The following EMILIN1 variants were observed in gnomAD, a reference collection of about 807,000 sequenced individuals.
EMILIN1 encodes EMILIN-1.
In EMILIN1, 49 loss-of-function variants were observed where a neutral mutation model predicts 82.4. That is an observed-to-expected ratio of 0.59 (90% CI 0.47 to 0.75). The LOEUF (loss-of-function observed/expected upper bound fraction) is 0.75. EMILIN1 is among the 30% of genes least tolerant of loss of function. The pLI is 0.00. For synonymous variants in EMILIN1, 604 were observed against 602.2 expected, an observed-to-expected ratio of 1.00 and a Z score of -0.04; for missense variants, 1,313 against 1,366.4, an observed-to-expected ratio of 0.96 and a Z score of 0.62.
intron 7 of EMILIN1, 121 bp from the exon 8 acceptor site, chr2:27,085,557 G>A (rs1367852875): frequency 9.6e-7 from 1 of 1,046,908 alleles, no homozygotes; most frequent in Non-Finnish European, 1.4e-6. Flanking sequence ...AAAGCCCCCA[G>A]TTCCCTGCCG....
Position 27,082,071 on chromosome 2 carries a change from C to T in EMILIN1, c.512-12C>T, listed in dbSNP as rs1193115098. 2 of 1,597,802 alleles carry T rather than the reference C, an allele frequency of 1.3e-6. No homozygotes were observed. Among genetic ancestry groups the T allele is most frequent in the Admixed American group, 1.7e-5 (1 of 58,720 alleles). The stretch of plus-strand genomic sequence containing the variant: ...TCCAGCCCCTCTGCCTTCTGCCTTC[C>T]CCTCTCCTCAGGTCCTGGGGAGTCA... On this transcript the variant is annotated splice_polypyrimidine_tract_variant and intron_variant, in intron 3 of 7. Transcript: ENST00000380320.
At chr2:27,084,901 G>A (rs2304682) in intron 5 of EMILIN1, 90 bp from the exon 6 acceptor site, 5 of 1,271,562 alleles carry the variant, frequency 3.9e-6, no homozygotes, top group Non-Finnish European at 4.6e-6. Context: ...ACGTAGCACC[G>A]AGCACAACAG....
rs369868279 is a variant in EMILIN1 at position 27,082,653 on chromosome 2, G to A, written c.1082G>A (p.Arg361Gln). 1.9e-5 allele frequency: 29 copies of A among 1,549,302 alleles called. No homozygotes were observed. Among genetic ancestry groups the A allele is most frequent in the South Asian group, 2.4e-5 (2 of 84,768 alleles). ...TGCTGCTCTCCAGAGCTGGGCCGGC[G>A]ACTGGCAGAGCTGGAGCGCAGGCTG... ...QECCSPELGRRLAELERRLDV... is the reference protein window; with the variant it reads ...QECCSPELGRQLAELERRLDV... The change falls in exon 4 of 8, where the codon CGA (arginine) becomes CAA (glutamine). Residue 361 changes from arginine (R) to glutamine (Q), a missense_variant. By Grantham distance (43) the Arg-to-Gln change is conservative (BLOSUM62 1). Transcript: ENST00000380320.
chr2:27,085,982 G>A lies in EMILIN1; in HGVS notation c.3018G>A (p.Leu1006=). The A allele has an allele frequency of 1.4e-6, 2 of 1,479,452 alleles. No individual in the cohort carries two copies. Among genetic ancestry groups the A allele is most frequent in the Non-Finnish European group, 1.8e-6 (2 of 1,106,832 alleles). 91.6% of individuals were successfully genotyped at this position (1,479,452 alleles called of 1,614,324 possible). A position where few individuals can be genotyped will look rare whatever the true frequency, so the allele number is the denominator to read the frequency against. The change falls in exon 8 of 8, where the codon CTG becomes CTA. Residue 1006 remains leucine, a synonymous_variant. Coordinates refer to ENST00000380320, the MANE Select transcript of EMILIN1 (RefSeq NM_007046.4). ...CGCTCACCATCTTCAGCGGGGCCCT[G>A]CTCTATGGGGACCCAGAGCTTGAAC... ...EEPLTIFSGA[L]LYGDPELEHA
chr2:27,079,813 G>A (rs373976960), intron 1 of EMILIN1, among the ~76,000 whole-genome samples: 3 of 152,190 alleles, frequency 2.0e-5, no homozygotes, highest in Non-Finnish European at 2.9e-5. Context: ...CTGGCTATGC[G>A]CACACAGCAT....
chr2:27,085,863 AC>A lies in EMILIN1; in HGVS notation c.2902del (p.Leu968TrpfsTer177), dbSNP rs778854472. On this transcript the variant is annotated frameshift_variant, in exon 8 of 8. Coordinates refer to ENST00000380320, the MANE Select transcript of EMILIN1 (RefSeq NM_007046.4). LOFTEE classifies it high-confidence loss of function. ...GGCCGAGAGCCAGCCCAGCCCGGGC[AC>A]CCTGGGCGTCTTCAGCCTCATCCTG... is the stretch of plus-strand genomic sequence containing the variant. ...PVAESQPSPG[T>X]LGVFSLILPL... 1 of 1,599,382 alleles carries A rather than the reference AC, an allele frequency of 6.3e-7. No individual in the cohort carries two copies. The highest frequency in any genetic ancestry group is 8.5e-7 in the Non-Finnish European group (1 of 1,172,864).
Position 27,078,787 on chromosome 2 carries a change from A to C in EMILIN1, c.-279A>C. 5.3e-6 allele frequency: 2 copies of C among 374,090 alleles called. No individual in the cohort carries two copies. Among genetic ancestry groups the C allele is most frequent in the Non-Finnish European group, 4.8e-6 (1 of 208,712 alleles). The allele number at this position is 374,090 out of a possible 1,614,324, so 23.2% of individuals were successfully genotyped here. A position where few individuals can be genotyped will look rare whatever the true frequency, so the allele number is the denominator to read the frequency against. On this transcript the variant is annotated 5_prime_UTR_variant, in exon 1 of 8. Coordinates refer to ENST00000380320, the MANE Select transcript of EMILIN1 (RefSeq NM_007046.4). ...GAGAGGGGCAGGGACCAGGCGCGGGAGGCCAGAGGGGGCACAGAGAACAAA... is the reference window on the plus strand; with the variant it reads ...GAGAGGGGCAGGGACCAGGCGCGGGCGGCCAGAGGGGGCACAGAGAACAAA...
Position 27,083,954 on chromosome 2 carries a change from A to G in EMILIN1, c.2383A>G (p.Ser795Gly). The change falls in exon 4 of 8, where the codon AGC becomes GGC. Residue 795 changes from serine to glycine, a missense_variant. Transcript: ENST00000380320. ...GGGCAGGCGGCTGGGTGCCCTTAAC[A>G]GCTCCCTGCAGCTCCTGGAGGACCG... ...GLGRRLGALN[S>G]SLQLLEDRLH... 1 of 1,563,894 alleles carries G rather than the reference A, an allele frequency of 6.4e-7. No individual in the cohort carries two copies. Among genetic ancestry groups the G allele is most frequent in the Non-Finnish European group, 8.7e-7 (1 of 1,152,136 alleles).
In EMILIN1 at chr2:27,080,794, G is replaced by A; in HGVS notation, c.353G>A (p.Trp118Ter). 1 of 1,613,850 alleles carries A rather than the reference G, an allele frequency of 6.2e-7. No individual in the cohort carries two copies. Among genetic ancestry groups the A allele is most frequent in the Non-Finnish European group, 8.5e-7 (1 of 1,179,976 alleles). The change falls in exon 3 of 8, where the codon TGG becomes TAG. Residue 118 changes from tryptophan to a stop codon, truncating the protein, a stop_gained. Coordinates refer to ENST00000380320, the MANE Select transcript of EMILIN1 (RefSeq NM_007046.4). LOFTEE classifies it high-confidence loss of function. ...VAYKTVTDME[W>*]RCCQGYGGDD... ...TACAAGACAGTGACCGACATGGAGT[G>A]GAGGTGCTGTCAGGGTTATGGGGGC...
rs749157424 is a variant in EMILIN1, at chr2:27,083,667, A to G, written c.2096A>G (p.His699Arg). 5 of 1,613,612 alleles carry G rather than the reference A, an allele frequency of 3.1e-6. No individual in the cohort carries two copies. Among genetic ancestry groups the G allele is most frequent in the Non-Finnish European group, 4.2e-6 (5 of 1,179,672 alleles). ...INRLQQEATE[H>R]ATESEERFRG... The stretch of plus-strand genomic sequence containing the variant: ...AGGCTGCAGCAGGAGGCCACAGAGC[A>G]TGCTACAGAGAGTGAAGAGCGCTTC... Residue 699 changes from histidine (H) to arginine (R), a missense_variant, in exon 4 of 8, where the codon CAT becomes CGT. By Grantham distance (29) the His-to-Arg change is conservative. Transcript: ENST00000380320.
chr2:27,083,164 G>A lies in EMILIN1; in HGVS notation c.1593G>A (p.Thr531=), dbSNP rs34487849. The part of the protein sequence containing the change: ...VEAAGEARQA[T]LEGLQEVVGR... Reference sequence around the variant, plus strand: ...CAGCGGGGGAGGCCCGGCAGGCCACGCTGGAGGGATTACAAGAGGTTGTGG... The same window carrying A: ...CAGCGGGGGAGGCCCGGCAGGCCACACTGGAGGGATTACAAGAGGTTGTGG... The change falls in exon 4 of 8, where the codon ACG becomes ACA. Residue 531 remains threonine (T), a synonymous_variant. Coordinates refer to ENST00000380320, the MANE Select transcript of EMILIN1 (RefSeq NM_007046.4). The A allele has an allele frequency of 1.9e-4, 308 of 1,607,378 alleles. 1 individual carries two copies. In the African/African-American group the frequency reaches 3.2e-3, roughly 17 times the overall value.
chr2:27,083,028 C>T lies in EMILIN1; in HGVS notation c.1457C>T (p.Pro486Leu). The stretch of plus-strand genomic sequence containing the variant: ...TGCGGGCAGCTCTGCTCTGGGGCCC[C>T]TGGGGAGCAGGACTCTCAAGTCAGC... ...QACGQLCSGA[P>L]GEQDSQVSEI... is the part of the protein sequence containing the mutation. The change falls in exon 4 of 8, where the codon CCT becomes CTT. Residue 486 changes from proline to leucine, a missense_variant. Transcript: ENST00000380320. The T allele has an allele frequency of 6.4e-7, 1 of 1,550,532 alleles. No homozygotes were observed. The highest frequency in any genetic ancestry group is 8.7e-7 in the Non-Finnish European group (1 of 1,148,518).
chr2:27,084,276 G>T, intron 4 of EMILIN1, 139 bp from the exon 5 acceptor site: 1 of 716,512 alleles, frequency 1.4e-6, no homozygotes, highest in Non-Finnish European at 2.5e-6. Context: ...ATGCAGCAAG[G>T]GACCCCATGG....
Position 27,084,535 on chromosome 2 carries a change from T to G in EMILIN1, c.2557+4T>G. ...GAGGGCCCCATCGGGCCACCAGGTA[T>G]GTGCACTGAGACCCTTGCTGCAGTC... On this transcript the variant is annotated splice_donor_region_variant and intron_variant, in intron 5 of 7. Transcript: ENST00000380320. 1.3e-6 allele frequency: 2 copies of G among 1,582,140 alleles called. No homozygotes were observed. Among genetic ancestry groups the G allele is most frequent in the Non-Finnish European group, 1.7e-6 (2 of 1,151,604 alleles).
In EMILIN1 at chr2:27,082,407, C is replaced by G. The variant is rs991686977; in HGVS notation, c.836C>G (p.Pro279Arg). The change falls in exon 4 of 8, where the codon CCA (proline) becomes CGA (arginine). Residue 279 changes from proline (P) to arginine (R), a missense_variant. Pro to Arg is a moderately radical substitution (Grantham distance 103). Coordinates refer to ENST00000380320, the MANE Select transcript of EMILIN1 (RefSeq NM_007046.4). ...AGTGGGGGCAGCAGGGCCCCAGCCC[C>G]AGCCTCAGCCCCTCCGGGCCCCAGT... ...SSSGGSRAPA[P>R]ASAPPGPSEE... 2.2e-5 allele frequency: 36 copies of G among 1,607,326 alleles called. No individual in the cohort carries two copies. Among genetic ancestry groups the G allele is most frequent in the Non-Finnish European group, 2.9e-5 (34 of 1,178,500 alleles).
chr2:27,081,943 CT>C (rs892090980), intron 3 of EMILIN1, 139 bp from the exon 4 acceptor site: 127 of 1,066,474 alleles, frequency 1.2e-4, no homozygotes, highest in Middle Eastern at 6.4e-4. Flanking sequence ...AATGGAGTTT[CT>C]TTTTTTTTCT....
In EMILIN1 at chr2:27,083,039, G is replaced by A. The variant is rs1341412575; in HGVS notation, c.1468G>A (p.Asp490Asn). 6.5e-7 allele frequency: 1 copy of A among 1,546,384 alleles called. No homozygotes were observed. The highest frequency in any genetic ancestry group is 1.2e-5 in the South Asian group (1 of 80,208). ...CTGCTCTGGGGCCCCTGGGGAGCAG[G>A]ACTCTCAAGTCAGCGAGATCCTCAG... ...QLCSGAPGEQ[D>N]SQVSEILSAL... Residue 490 changes from aspartate (D) to asparagine (N), a missense_variant, in exon 4 of 8, where the codon GAC becomes AAC. By Grantham distance (23) the Asp-to-Asn change is conservative. Coordinates refer to ENST00000380320, the MANE Select transcript of EMILIN1 (RefSeq NM_007046.4).
rs548737957 is a variant in EMILIN1 at position 27,084,615 on chromosome 2, C to T, written c.2557+84C>T. The T allele has an allele frequency of 3.5e-4, 278 of 802,006 alleles. 4 individuals carry two copies. The South Asian group carries it at 3.9e-3, about 11-fold the overall frequency. 49.7% of individuals were successfully genotyped at this position (802,006 alleles called of 1,614,324 possible). A position where few individuals can be genotyped will look rare whatever the true frequency, so the allele number is the denominator to read the frequency against. On this transcript the variant is annotated intron_variant, in intron 5 of 7. Coordinates refer to ENST00000380320, the MANE Select transcript of EMILIN1 (RefSeq NM_007046.4). Reference sequence around the variant, plus strand: ...CCCCCGCTGGCAGCCCCAGGCTTGACATTCCACTCTGAACTTGACAAGGGG... The same window carrying T: ...CCCCCGCTGGCAGCCCCAGGCTTGATATTCCACTCTGAACTTGACAAGGGG...
chr2:27,085,097 C>T (rs1188494410), intron 6 of EMILIN1, 63 bp from the exon 7 acceptor site: 1 of 1,613,122 alleles, frequency 6.2e-7, no homozygotes, highest in African/African-American at 1.3e-5. Context: ...GGGGATCCAG[C>T]AGGGGAAGGG....
Sources: allele counts gnomAD v4.1 joint callset (sites outside exome capture counted in the v4.1 genomes callset), GRCh38; gene constraint gnomAD v4.1.1; transcripts MANE v1.5; gene names NCBI Gene and HGNC (gene_info 2026-07-23, HGNC 2026-07-21).